The following FAM13A variants were observed in gnomAD, a reference collection of about 807,000 sequenced individuals.
FAM13A encodes family with sequence similarity 13 member A, also known as protein FAM13A.
Under a neutral mutation model 129.6 loss-of-function variants are expected in FAM13A, and 76 were observed. That is an observed-to-expected ratio of 0.59 (90% confidence interval 0.49 to 0.71). The LOEUF is 0.71. Among genes scored for constraint, FAM13A ranks in the 30% least tolerant of loss-of-function variants. The pLI is 0.00. For synonymous variants in FAM13A, 443 were observed against 449.9 expected (o/e 0.98, Z 0.20); for missense variants, 1,108 against 1,249.3 (o/e 0.89, Z 1.70).
intron 10 of FAM13A, 27 bp from the exon 11 acceptor site, chr4:88,781,378 T>G: frequency 1.3e-6 from 2 of 1,503,578 alleles, no homozygotes; most frequent in Non-Finnish European, 1.8e-6. Context: ...AGCTTAATTT[T>G]ATTTTAAAAG....
At chr4:88,790,274 C>A (rs1724855791) in intron 9 of FAM13A, among the ~76,000 whole-genome samples, 1 of 152,042 alleles carries the variant, frequency 6.6e-6, no homozygotes, top group African/African-American at 2.4e-5. Context: ...TTATCCATTG[C>A]AAGATGCCTC....
Position 88,857,394 on chromosome 4 carries a change from A to G in FAM13A, c.844-6211T>C, listed in dbSNP as rs577487863. The stretch of plus-strand genomic sequence containing the variant: ...TGTAATCCCAGCACTTTGGCAGGCC[A>G]AGGCAGGCGGATCACTTGAGGCCAG... On this transcript the variant is annotated intron_variant, in intron 6 of 23. Transcript: ENST00000264344. Among the ~76,000 whole-genome samples the G allele has an allele frequency of 8.5e-5, 13 of 152,178 alleles. No homozygotes were observed. In the South Asian group the frequency reaches 2.7e-3, roughly 32 times the overall value.
chr4:88,743,181 G>T (rs1163390365), intron 19 of FAM13A, among the ~76,000 whole-genome samples: 1 of 152,224 alleles, frequency 6.6e-6, no homozygotes, highest in East Asian at 1.9e-4. Context: ...CTATTTGGTT[G>T]TCCCGTAAAT....
intron 5 of FAM13A, among the ~76,000 whole-genome samples, chr4:88,920,301 T>C (rs1385989852): frequency 6.6e-6 from 1 of 152,032 alleles, no homozygotes; most frequent in Non-Finnish European, 1.5e-5. Flanking sequence ...AGGCACCCCA[T>C]AGTAGGGGCA....
At chr4:88,839,034 T>C (rs1735350376) in intron 7 of FAM13A, among the ~76,000 whole-genome samples, 1 of 152,202 alleles carries the variant, frequency 6.6e-6, no homozygotes, top group Non-Finnish European at 1.5e-5. Flanking sequence ...ATGTTCTCTC[T>C]ATATAATGCA....
chr4:88,889,485 A>T (rs2150156973), intron 6 of FAM13A, among the ~76,000 whole-genome samples: 1 of 152,314 alleles, frequency 6.6e-6, no homozygotes, highest in African/African-American at 2.4e-5. Context: ...CTTGCATGAT[A>T]AAAGAAATGG....
At chr4:88,945,990 G>GTATGTATGTATGTGTGTATATA (rs1553901196) in intron 4 of FAM13A, among the ~76,000 whole-genome samples, 8 of 61,960 alleles carry the variant, frequency 1.3e-4, no homozygotes, top group African/African-American at 5.2e-4. Flanking sequence ...GTGTGTGTGT[G>GTATGTATGTATGTGTGTATATA]TATATATATA....
chr4:88,931,816 T>G (rs1363073013), intron 5 of FAM13A, among the ~76,000 whole-genome samples: 1 of 152,208 alleles, frequency 6.6e-6, no homozygotes, highest in African/African-American at 2.4e-5. Context: ...ACCTCTGAGT[T>G]TCATAAATGC....
At chr4:88,828,141 G>T (rs904209067) in intron 7 of FAM13A, among the ~76,000 whole-genome samples, 1 of 151,902 alleles carries the variant, frequency 6.6e-6, no homozygotes, top group Non-Finnish European at 1.5e-5. Flanking sequence ...ATGTTTTTTT[G>T]TTTGTTTGTT....
intron 6 of FAM13A, among the ~76,000 whole-genome samples, chr4:88,858,495 CA>C (rs1401580390): frequency 6.6e-6 from 1 of 152,110 alleles, no homozygotes; most frequent in Admixed American, 6.5e-5. Context: ...AGAAACAACT[CA>C]AATGTCCATC....
chr4:88,880,589 A>C (rs945356095), intron 6 of FAM13A, among the ~76,000 whole-genome samples: 1 of 152,116 alleles, frequency 6.6e-6, no homozygotes, highest in Non-Finnish European at 1.5e-5. Flanking sequence ...TCCTGGACAG[A>C]ATCTGAGGAA....
intron 6 of FAM13A, among the ~76,000 whole-genome samples, chr4:88,861,380 CAAAA>C (rs373411738): frequency 1.2e-5 from 1 of 83,898 alleles, no homozygotes. Context: ...GACTCCGTCT[CAAAA>C]AAAAAAAAAA....
At chr4:88,919,526 T>C (rs1206008968) in intron 5 of FAM13A, among the ~76,000 whole-genome samples, 3 of 152,240 alleles carry the variant, frequency 2.0e-5, no homozygotes, top group Admixed American at 6.5e-5. Flanking sequence ...TACAAGAATG[T>C]ATGAGTTGAT....
chr4:89,000,566 T>C (rs879868177), intron 3 of FAM13A, among the ~76,000 whole-genome samples: 4 of 152,204 alleles, frequency 2.6e-5, no homozygotes, highest in Admixed American at 6.5e-5. Context: ...GCATACGGTT[T>C]CTTTCTGGGG....
At chr4:88,739,564 G>A (rs930231868) in intron 19 of FAM13A, among the ~76,000 whole-genome samples, 3 of 149,862 alleles carry the variant, frequency 2.0e-5, no homozygotes, top group African/African-American at 4.9e-5. Flanking sequence ...CACCTGAGGT[G>A]AGGAGTTCAA....
intron 1 of FAM13A, among the ~76,000 whole-genome samples, chr4:89,051,796 A>G (rs557011280): frequency 6.6e-6 from 1 of 152,334 alleles, no homozygotes; most frequent in East Asian, 1.9e-4. Context: ...GGTCCTGAAA[A>G]AAATCCAAAA....
intron 14 of FAM13A, among the ~76,000 whole-genome samples, chr4:88,758,322 A>T (rs2149504475): frequency 6.6e-6 from 1 of 152,314 alleles, no homozygotes. Flanking sequence ...GAAACAAAGC[A>T]AACCAAAACG....
At position 88,863,598 on chromosome 4, in the gene FAM13A, T is replaced by C. The variant is rs559428741; in HGVS notation, c.844-12415A>G. Among the ~76,000 whole-genome samples, 14 of 152,288 alleles carry C rather than the reference T, an allele frequency of 9.2e-5. No individual in the cohort carries two copies. The South Asian group carries it at 2.5e-3, about 27-fold the overall frequency. On this transcript the variant is annotated intron_variant, in intron 6 of 23. Transcript: ENST00000264344. ...CACAACCTGGGACTTACATCTGAAA[T>C]TGGGGACAGTCTTGTGGCATTTGAC... is the stretch of plus-strand genomic sequence containing the variant.
At chr4:88,834,478 C>T (rs1734477554) in intron 7 of FAM13A, among the ~76,000 whole-genome samples, 2 of 152,006 alleles carry the variant, frequency 1.3e-5, no homozygotes, top group African/African-American at 4.8e-5. Context: ...CTGAAATTAA[C>T]TCACTATTTA....
Sources: gnomAD v4.1 joint callset for allele counts (sites outside exome capture counted in the v4.1 genomes callset) on GRCh38, gnomAD v4.1.1 for gene constraint, MANE v1.5 for transcripts, NCBI Gene and HGNC (gene_info 2026-07-23, HGNC 2026-07-21) for gene names.